Variants in NGF observed in about 807,000 individuals in gnomAD.
The protein encoded by NGF is nerve growth factor, also known as beta-nerve growth factor.
In NGF, 4 loss-of-function variants were observed where a neutral mutation model predicts 12.8. The ratio of observed to expected loss-of-function variants is 0.31; its 90% confidence interval spans 0.15 to 0.72. The LOEUF is 0.72. NGF is among the 30% of genes least tolerant of loss of function. NGF has a pLI of 0.69. For synonymous variants in NGF, 140 were observed against 130.0 expected, an observed-to-expected ratio of 1.08 and a Z score of -0.52; for missense variants, 283 against 330.8, an observed-to-expected ratio of 0.86 and a Z score of 1.12.
chr1:115,332,408 A>G (rs1654946859), intron 1 of NGF, among the ~76,000 whole-genome samples: 1 of 152,236 alleles, frequency 6.6e-6, no homozygotes, highest in Non-Finnish European at 1.5e-5. Flanking sequence ...GTAAATTCCT[A>G]GAGAAGTCTT....
chr1:115,322,698 C>A (rs533529937), intron 1 of NGF, among the ~76,000 whole-genome samples: 30 of 152,288 alleles, frequency 2.0e-4, no homozygotes, highest in African/African-American at 7.2e-4. Context: ...ATTTTATAAG[C>A]ATTGCTATAT....
chr1:115,286,307 C>T lies in NGF; in HGVS notation c.489G>A (p.Val163=). 1 of 1,614,112 alleles carries T rather than the reference C, an allele frequency of 6.2e-7. No homozygotes were observed. Among genetic ancestry groups the T allele is most frequent in the Non-Finnish European group, 8.5e-7 (1 of 1,180,024 alleles). ...GTTTGAATACACTGTTGTTAATGTT[C>T]ACCTCTCCCAACACCATCACCTCCT... ...KGKEVMVLGE[V]NINNSVFKQY... The change falls in exon 3 of 3, where the codon GTG becomes GTA. Residue 163 remains valine (V), a synonymous_variant. Transcript: ENST00000369512.
intron 1 of NGF, among the ~76,000 whole-genome samples, chr1:115,312,141 C>A (rs1277355044): frequency 1.3e-5 from 2 of 152,122 alleles, no homozygotes; most frequent in African/African-American, 4.8e-5. Flanking sequence ...GGGCAGCATG[C>A]ATTAATTTTG....
chr1:115,295,679 T>C (rs1653845487), intron 1 of NGF, among the ~76,000 whole-genome samples: 1 of 152,144 alleles, frequency 6.6e-6, no homozygotes, highest in Admixed American at 6.5e-5. Flanking sequence ...TTGAGCTTTC[T>C]CCTCTATAGG....
At chr1:115,298,462 T>C (rs1302636641) in intron 1 of NGF, among the ~76,000 whole-genome samples, 16 of 152,084 alleles carry the variant, frequency 1.1e-4, no homozygotes, top group Admixed American at 1.0e-3. Flanking sequence ...AGGAAGATCA[T>C]AGCAATCACA....
At chr1:115,336,752 G>C (rs1382305181) in intron 1 of NGF, among the ~76,000 whole-genome samples, 2 of 152,360 alleles carry the variant, frequency 1.3e-5, no homozygotes, top group Non-Finnish European at 2.9e-5. Context: ...GAAGGGGAAA[G>C]ATTCCCTTCC....
chr1:115,326,896 A>G (rs1654794455), intron 1 of NGF, among the ~76,000 whole-genome samples: 1 of 152,172 alleles, frequency 6.6e-6, no homozygotes, highest in Admixed American at 6.5e-5. Context: ...GCCCTAATAG[A>G]TATGCAGGGG....
intron 1 of NGF, among the ~76,000 whole-genome samples, chr1:115,318,078 G>A (rs79686953): frequency 6.6e-6 from 1 of 152,068 alleles, no homozygotes; most frequent in Admixed American, 6.5e-5. Context: ...CTGGCCTTTC[G>A]ATTCTCTCTT....
chr1:115,312,668 G>T (rs759638514), intron 1 of NGF, among the ~76,000 whole-genome samples: 1 of 152,094 alleles, frequency 6.6e-6, no homozygotes, highest in African/African-American at 2.4e-5. Flanking sequence ...AGAGAGCCTG[G>T]CCTGTACAAG....
intron 1 of NGF, among the ~76,000 whole-genome samples, chr1:115,321,443 A>AT (rs1654622661): frequency 2.6e-5 from 4 of 152,108 alleles, no homozygotes; most frequent in Non-Finnish European, 5.9e-5. Context: ...TTATAAACAA[A>AT]AGGACTGAAT....
chr1:115,337,682 A>G (rs1240527085), intron 1 of NGF, among the ~76,000 whole-genome samples: 3 of 151,714 alleles, frequency 2.0e-5, no homozygotes, highest in Non-Finnish European at 4.4e-5. Flanking sequence ...CCCCAGGTCT[A>G]GCGCGCCCCG....
chr1:115,337,257 TTTTGTTTTTG>T lies in NGF; in HGVS notation c.-137+937_-137+946del, dbSNP rs1342592031. On this transcript the variant is annotated intron_variant, in intron 1 of 2. Coordinates refer to ENST00000369512, the MANE Select transcript of NGF (RefSeq NM_002506.3). ...CTTAAGAATCTCGAAATTTTTTTTGTTTTGTTTTTGTTTTTTTTTTTTTTTTTTTTTTTTT... is the reference window on the plus strand; with the variant it reads ...CTTAAGAATCTCGAAATTTTTTTTGTTTTTTTTTTTTTTTTTTTTTTTTTT... 5.2e-4 allele frequency among the ~76,000 whole-genome samples: 63 copies of T among 120,572 alleles called. 4 individuals carry two copies. The highest frequency in any genetic ancestry group is 1.9e-3 in the African/African-American group (51 of 27,376). The allele number at this position is 120,572 out of a possible 152,430, so 79.1% of individuals were successfully genotyped here.
chr1:115,300,785 C>A (rs749839404), intron 1 of NGF, among the ~76,000 whole-genome samples: 9 of 152,220 alleles, frequency 5.9e-5, no homozygotes, highest in Non-Finnish European at 1.3e-4. Flanking sequence ...GAATTTACTT[C>A]CATGAGTGTG....
chr1:115,329,744 C>CTTTTTTTTTTTTTTTTTTTTTTTTTTTT (rs1039991768), intron 1 of NGF, among the ~76,000 whole-genome samples: 1 of 103,996 alleles, frequency 9.6e-6, no homozygotes, highest in Non-Finnish European at 1.9e-5. Flanking sequence ...TTCTTTCTTT[C>CTTTTTTTTTTTTTTTTTTTTTTTTTTTT]TTTTTTTTTT....
At chr1:115,305,663 C>T (rs1234832225) in intron 1 of NGF, among the ~76,000 whole-genome samples, 1 of 152,204 alleles carries the variant, frequency 6.6e-6, no homozygotes, top group Non-Finnish European at 1.5e-5. Context: ...GAGCTCCCTC[C>T]TCATGAAGTA....
intron 1 of NGF, among the ~76,000 whole-genome samples, chr1:115,337,656 C>T (rs949974079): frequency 6.6e-6 from 1 of 152,146 alleles, no homozygotes; most frequent in Non-Finnish European, 1.5e-5. Flanking sequence ...CCTTCCGAGA[C>T]GCGCTGAGGG....
intron 1 of NGF, among the ~76,000 whole-genome samples, chr1:115,337,267 G>GTTTTTTTTGTTTTTTTTTTTTT (rs1655145971): frequency 1.2e-5 from 1 of 81,030 alleles, no homozygotes; most frequent in Non-Finnish European, 2.3e-5. Context: ...TTTTGTTTTT[G>GTTTTTTTTGTTTTTTTTTTTTT]TTTTTTTTTT....
At chr1:115,306,813 G>A (rs1654215530) in intron 1 of NGF, among the ~76,000 whole-genome samples, 1 of 152,232 alleles carries the variant, frequency 6.6e-6, no homozygotes, top group South Asian at 2.1e-4. Context: ...CTCTTCATCA[G>A]TGAACAATGG....
chr1:115,290,477 C>G (rs1211574175), intron 2 of NGF, among the ~76,000 whole-genome samples: 1 of 144,378 alleles, frequency 6.9e-6, no homozygotes, highest in Non-Finnish European at 1.5e-5. Context: ...CTCACTGCAG[C>G]CTTTGCCTCC....
Sources: gnomAD v4.1 joint callset for allele counts (sites outside exome capture counted in the v4.1 genomes callset) on GRCh38, gnomAD v4.1.1 for gene constraint, MANE v1.5 for transcripts, NCBI Gene and HGNC (gene_info 2026-07-23, HGNC 2026-07-21) for gene names.